Variants in CCDC91 observed in about 807,000 individuals in gnomAD.
CCDC91 encodes coiled-coil domain-containing protein 91.
In CCDC91, 48 loss-of-function variants were observed where a neutral mutation model predicts 63.2. That is an observed-to-expected ratio of 0.76 (90% CI 0.60 to 0.97). The LOEUF (loss-of-function observed/expected upper bound fraction) is 0.97. Ranked by LOEUF, CCDC91 falls within the 50% of genes least tolerant of loss-of-function variation. The probability of loss-of-function intolerance (pLI) is 0.00; values close to 1 mark genes in which losing one functional copy is unlikely to be tolerated. For synonymous variants in CCDC91, 167 were observed against 165.8 expected (o/e 1.01, Z -0.06); for missense variants, 500 against 494.6 (o/e 1.01, Z -0.10).
chr12:28,198,841 A>T (rs1941981026), intron 1 of CCDC91: 1 of 151,792 alleles, frequency 6.6e-6, no homozygotes, highest in Non-Finnish European at 1.5e-5. Flanking sequence ...TTCATTCCTT[A>T]ATTACTACAT....
chr12:28,350,894 A>G (rs1354773836), intron 6 of CCDC91, among the ~76,000 whole-genome samples: 1 of 152,114 alleles, frequency 6.6e-6, no homozygotes, highest in African/African-American at 2.4e-5. Context: ...GCACATTCAT[A>G]AATCTTTACC....
At chr12:28,211,446 G>C (rs1943227308) in intron 1 of CCDC91, among the ~76,000 whole-genome samples, 1 of 152,098 alleles carries the variant, frequency 6.6e-6, no homozygotes, top group Non-Finnish European at 1.5e-5. Context: ...AGACTGGCAG[G>C]TTTCAAAATT....
chr12:28,544,125 A>G (rs1364239288), intron 12 of CCDC91, among the ~76,000 whole-genome samples: 1 of 151,852 alleles, frequency 6.6e-6, no homozygotes, highest in East Asian at 1.9e-4. Context: ...ATGTCTTCCC[A>G]TCAAACTGCA....
intron 3 of CCDC91, among the ~76,000 whole-genome samples, chr12:28,288,393 A>G (rs1395086685): frequency 1.3e-5 from 2 of 152,108 alleles, no homozygotes; most frequent in Non-Finnish European, 2.9e-5. Context: ...GTTTATTGAG[A>G]GTTTTTAACA....
intron 8 of CCDC91, among the ~76,000 whole-genome samples, chr12:28,448,186 C>A (rs559924340): frequency 1.3e-5 from 2 of 152,174 alleles, no homozygotes; most frequent in South Asian, 4.1e-4. Context: ...ACTTACCTAG[C>A]CTCTCTAAGT....
intron 8 of CCDC91, among the ~76,000 whole-genome samples, chr12:28,417,139 C>T (rs1291154752): frequency 3.9e-5 from 6 of 151,982 alleles, no homozygotes; most frequent in Admixed American, 3.9e-4. Flanking sequence ...AGGATATTTG[C>T]TTTTACACAG....
intron 1 of CCDC91, among the ~76,000 whole-genome samples, chr12:28,247,352 C>T (rs1243993759): frequency 6.6e-6 from 1 of 151,838 alleles, no homozygotes; most frequent in Admixed American, 6.6e-5. Flanking sequence ...TGGTGGAGGG[C>T]GCCTGTAGTC....
At chr12:28,326,389 TTG>T (rs1940998695) in intron 6 of CCDC91, among the ~76,000 whole-genome samples, 2 of 31,334 alleles carry the variant, frequency 6.4e-5, no homozygotes, top group African/African-American at 9.2e-5. Context: ...TATGTTAGAA[TTG>T]TTTTTTTTTA....
intron 7 of CCDC91, among the ~76,000 whole-genome samples, chr12:28,380,171 T>C (rs990741738): frequency 9.9e-5 from 15 of 151,844 alleles, no homozygotes; most frequent in Admixed American, 8.5e-4. Context: ...CCAGGGCCTG[T>C]TGGGGGTTGG....
At chr12:28,413,176 C>T (rs904026754) in intron 8 of CCDC91, among the ~76,000 whole-genome samples, 8 of 152,178 alleles carry the variant, frequency 5.3e-5, no homozygotes, top group Non-Finnish European at 1.2e-4. Context: ...GAGAACTACT[C>T]ATTCCCTGGG....
intron 7 of CCDC91, among the ~76,000 whole-genome samples, chr12:28,384,289 C>T (rs1945468838): frequency 6.6e-6 from 1 of 152,056 alleles, no homozygotes; most frequent in Admixed American, 6.6e-5. Flanking sequence ...AGTATATTTA[C>T]AGTACTGCTT....
chr12:28,515,139 TC>T (rs1357535896), intron 12 of CCDC91, among the ~76,000 whole-genome samples: 2 of 151,738 alleles, frequency 1.3e-5, no homozygotes, highest in East Asian at 1.9e-4. Flanking sequence ...GTGTTTTTTT[TC>T]CCCCAACTGT....
intron 6 of CCDC91, among the ~76,000 whole-genome samples, chr12:28,343,810 G>A (rs1251696857): frequency 2.0e-5 from 3 of 152,070 alleles, no homozygotes; most frequent in African/African-American, 7.2e-5. Flanking sequence ...TGGTACACTG[G>A]TAATTTTGTA....
intron 12 of CCDC91, among the ~76,000 whole-genome samples, chr12:28,508,973 C>T (rs1939061037): frequency 6.6e-6 from 1 of 151,948 alleles, no homozygotes; most frequent in African/African-American, 2.4e-5. Flanking sequence ...TTAGCTCTGC[C>T]TTCAATAGGC....
chr12:28,307,158 G>C (rs908485104), intron 5 of CCDC91, among the ~76,000 whole-genome samples: 2 of 151,796 alleles, frequency 1.3e-5, no homozygotes, highest in Non-Finnish European at 2.9e-5. Context: ...TCGTTTACTA[G>C]GTTTTTTCTA....
At chr12:28,379,169 C>T (rs1393786293) in intron 7 of CCDC91, among the ~76,000 whole-genome samples, 1 of 151,702 alleles carries the variant, frequency 6.6e-6, no homozygotes, top group Non-Finnish European at 1.5e-5. Flanking sequence ...GATAAAAGAC[C>T]TTAAGATGTG....
chr12:28,199,679 A>C (rs1285973301), intron 1 of CCDC91, among the ~76,000 whole-genome samples: 2 of 152,190 alleles, frequency 1.3e-5, no homozygotes, highest in Non-Finnish European at 1.5e-5. Flanking sequence ...GAAAGTCATA[A>C]TTTCTTCATA....
chr12:28,292,741 T>C (rs1418449490), intron 3 of CCDC91, among the ~76,000 whole-genome samples: 1 of 152,194 alleles, frequency 6.6e-6, no homozygotes, highest in African/African-American at 2.4e-5. Flanking sequence ...AGTATATAAA[T>C]TGTCAGGTAG....
chr12:28,388,021 T>A (rs1482105786), intron 7 of CCDC91, among the ~76,000 whole-genome samples: 1 of 152,132 alleles, frequency 6.6e-6, no homozygotes. Context: ...AAAACTGTTC[T>A]CTTTTCACCA....
Sources: allele counts gnomAD v4.1 joint callset (sites outside exome capture counted in the v4.1 genomes callset), GRCh38; gene constraint gnomAD v4.1.1; transcripts MANE v1.5; gene names NCBI Gene and HGNC (gene_info 2026-07-23, HGNC 2026-07-21).